DEGS2: variants seen among roughly 807,000 people sequenced by gnomAD.
DEGS2 encodes sphingolipid delta(4)-desaturase/C4-monooxygenase DES2.
In DEGS2, 19 loss-of-function variants were observed where a neutral mutation model predicts 23.8. The observed-to-expected ratio is 0.80, with a 90% CI of 0.56 to 1.17. The LOEUF is 1.17. DEGS2 is among the 50% of genes most tolerant of loss of function. DEGS2 has a pLI of 0.00. For synonymous variants in DEGS2, 218 were observed against 213.7 expected, an observed-to-expected ratio of 1.02 and a Z score of -0.18; for missense variants, 390 against 459.5, an observed-to-expected ratio of 0.85 and a Z score of 1.38.
chr14:100,148,550 C>T (rs879639930), intron 2 of DEGS2, among the ~76,000 whole-genome samples: 8 of 152,214 alleles, frequency 5.3e-5, no homozygotes, highest in African/African-American at 9.6e-5. Context: ...CCTTGGGCTG[C>T]GAAGGGCAAG....
At chr14:100,166,631 A>T in the DEGS2 span, among the ~76,000 whole-genome samples, 1 of 152,130 alleles carries the variant, frequency 6.6e-6, no homozygotes, top group Non-Finnish European at 1.5e-5. Context: ...AAGCAGCCTC[A>T]AAAATACCGA....
upstream of DEGS2, among the ~76,000 whole-genome samples, chr14:100,162,684 AG>A (rs535169606): frequency 2.6e-5 from 4 of 152,352 alleles, no homozygotes; most frequent in South Asian, 8.3e-4. Context: ...CACCACGGCC[AG>A]CTACTCTTCA....
chr14:100,153,359 C>T (rs1889608297), intron 1 of DEGS2, among the ~76,000 whole-genome samples: 1 of 152,126 alleles, frequency 6.6e-6, no homozygotes, highest in Non-Finnish European at 1.5e-5. Flanking sequence ...CTCTGGAGAA[C>T]ACTAATACAG....
chr14:100,166,154 AGCCTGTCTGGGGGAGTGGGG>A, the DEGS2 span, among the ~76,000 whole-genome samples: 2 of 26,536 alleles, frequency 7.5e-5, no homozygotes, highest in African/African-American at 2.3e-4. Context: ...GAGTGGGGGG[AGCCTGTCTGGGGGAGTGGGG>A]GGAGCCTGTC....
chr14:100,162,560 C>T (rs906935668), upstream of DEGS2, among the ~76,000 whole-genome samples: 3 of 152,122 alleles, frequency 2.0e-5, no homozygotes, highest in East Asian at 1.9e-4. Flanking sequence ...TGAGCCACCG[C>T]GCTCAGCCAA....
In DEGS2 at chr14:100,146,469, C is replaced by G. The variant is rs111444226; in HGVS notation, c.*292G>C. The G allele has an allele frequency of 7.5e-6, 3 of 402,520 alleles. No homozygotes were observed. The highest frequency in any genetic ancestry group is 2.1e-5 in the African/African-American group (1 of 48,132). The allele number at this position is 402,520 out of a possible 1,614,324, so 24.9% of individuals were successfully genotyped here. On this transcript the variant is annotated 3_prime_UTR_variant, in exon 3 of 3. Coordinates refer to ENST00000305631, the MANE Select transcript of DEGS2 (RefSeq NM_206918.3). ...TAGGGCACAGGCACCCCGGAGAAGT[C>G]AGCTCCGTGGGAACCGTGGGCTCAG...
At chr14:100,146,932 G>A (rs76368123) in intron 2 of DEGS2, 25 bp from the exon 3 acceptor site, 1 of 1,602,512 alleles carries the variant, frequency 6.2e-7, no homozygotes, top group African/African-American at 1.3e-5. Context: ...GCGGGGCTCA[G>A]GGGCTGGTTC....
the DEGS2 span, among the ~76,000 whole-genome samples, chr14:100,165,702 C>T: frequency 6.6e-6 from 1 of 152,198 alleles, no homozygotes; most frequent in African/African-American, 2.4e-5. Context: ...TGCCTCCTTC[C>T]GGGCTGGCTG....
Position 100,144,505 on chromosome 14 carries a change from G to T in DEGS2, c.*2256C>A. The T allele has an allele frequency of 6.6e-6, 1 of 152,502 alleles. No individual in the cohort carries two copies. Among genetic ancestry groups the T allele is most frequent in the Non-Finnish European group, 1.5e-5 (1 of 68,150 alleles). 9.4% of individuals were successfully genotyped at this position (152,502 alleles called of 1,614,324 possible). ...CAACCCACACCCCCGAACCTCAGAG[G>T]ACTCCACGTGCATTCTGACGGGCAG... On this transcript the variant is annotated 3_prime_UTR_variant, in exon 3 of 3. Coordinates refer to ENST00000305631, the MANE Select transcript of DEGS2 (RefSeq NM_206918.3).
chr14:100,146,947 C>A (rs368635045), intron 2 of DEGS2, 40 bp from the exon 3 acceptor site: 3 of 1,592,488 alleles, frequency 1.9e-6, no homozygotes, highest in Non-Finnish European at 2.6e-6. Context: ...TGGTTCTCCT[C>A]GGGGCCGCAC....
rs530635777 is a variant in DEGS2 at position 100,145,130 on chromosome 14, G to C, written c.*1631C>G. On this transcript the variant is annotated 3_prime_UTR_variant, in exon 3 of 3. Coordinates refer to ENST00000305631, the MANE Select transcript of DEGS2 (RefSeq NM_206918.3). ...CCCCCAAGGCCAGGAGTCTCCCCAG[G>C]AGCGCTCAAAGGACTGTCTGTCTTC... The C allele has an allele frequency of 1.3e-5, 2 of 152,726 alleles. No homozygotes were observed. Among genetic ancestry groups the C allele is most frequent in the Admixed American group, 1.3e-4 (2 of 15,306 alleles). 9.5% of individuals were successfully genotyped at this position (152,726 alleles called of 1,614,324 possible). A position where few individuals can be genotyped will look rare whatever the true frequency, so the allele number is the denominator to read the frequency against.
rs1406173696 is a variant in DEGS2, at chr14:100,146,019, C to G, written c.*742G>C. The G allele has an allele frequency of 6.5e-6, 1 of 152,676 alleles. No homozygotes were observed. Among genetic ancestry groups the G allele is most frequent in the Non-Finnish European group, 1.5e-5 (1 of 68,358 alleles). The allele number at this position is 152,676 out of a possible 1,614,324, so 9.5% of individuals were successfully genotyped here. A position where few individuals can be genotyped will look rare whatever the true frequency, so the allele number is the denominator to read the frequency against. ...ACGCTCCCTGCCGCGGGAGGGCATA[C>G]AGAGAGCAGGAGGTGAGCAGGCCCA... On this transcript the variant is annotated 3_prime_UTR_variant, in exon 3 of 3. Coordinates refer to ENST00000305631, the MANE Select transcript of DEGS2 (RefSeq NM_206918.3).
intron 1 of DEGS2, among the ~76,000 whole-genome samples, chr14:100,150,638 C>T (rs1889555039): frequency 6.6e-6 from 1 of 152,162 alleles, no homozygotes; most frequent in African/African-American, 2.4e-5. Flanking sequence ...ATGGGCCTCA[C>T]TTTCCCCATC....
chr14:100,153,253 A>AGATG (rs2140423281), intron 1 of DEGS2, among the ~76,000 whole-genome samples: 1 of 13,076 alleles, frequency 7.6e-5, no homozygotes, highest in African/African-American at 2.2e-4. Flanking sequence ...TGGCAAAAAC[A>AGATG]GATAGATAGA....
At chr14:100,166,605 C>T in the DEGS2 span, among the ~76,000 whole-genome samples, 4 of 152,096 alleles carry the variant, frequency 2.6e-5, no homozygotes, top group African/African-American at 9.7e-5. Context: ...ACGAGCTTAC[C>T]AGGGGGCCGC....
At chr14:100,165,415 G>A in the DEGS2 span, among the ~76,000 whole-genome samples, 1 of 152,252 alleles carries the variant, frequency 6.6e-6, no homozygotes, top group African/African-American at 2.4e-5. Context: ...GCCGTGTGGC[G>A]CAGCCCCTGC....
At chr14:100,164,786 T>C in the DEGS2 span, among the ~76,000 whole-genome samples, 1 of 152,192 alleles carries the variant, frequency 6.6e-6, no homozygotes, top group African/African-American at 2.4e-5. Flanking sequence ...TTCAGTAATA[T>C]CTATGAAAGC....
In DEGS2 at chr14:100,158,461, C is replaced by T. The variant is rs553768922; in HGVS notation, c.82+1045G>A. 3.1e-3 allele frequency among the ~76,000 whole-genome samples: 470 copies of T among 152,256 alleles called. 2 individuals are homozygous for T. Among genetic ancestry groups the T allele is most frequent in the Middle Eastern group, 0.014 (4 of 294 alleles). On this transcript the variant is annotated intron_variant, in intron 1 of 2. Transcript: ENST00000305631. ...CCTGTAATCCCAGCTACTCAGAAGGCTGAGGCAGGAGAATCGCTTGAACCT... is the reference window on the plus strand; with the variant it reads ...CCTGTAATCCCAGCTACTCAGAAGGTTGAGGCAGGAGAATCGCTTGAACCT...
At chr14:100,147,459 C>G (rs955349754) in intron 2 of DEGS2, among the ~76,000 whole-genome samples, 1 of 152,194 alleles carries the variant, frequency 6.6e-6, no homozygotes, top group African/African-American at 2.4e-5. Context: ...CCTCAGCCAG[C>G]CTCACTGCTT....
Sources: gnomAD v4.1 joint callset for allele counts (sites outside exome capture counted in the v4.1 genomes callset) on GRCh38, gnomAD v4.1.1 for gene constraint, MANE v1.5 for transcripts, NCBI Gene and HGNC (gene_info 2026-07-23, HGNC 2026-07-21) for gene names.